The following FAM171A1 variants were observed in gnomAD, a reference collection of about 807,000 sequenced individuals.
FAM171A1 encodes the protein protein FAM171A1.
A neutral mutation model predicts 74.9 loss-of-function variants in FAM171A1; 23 were observed. That is an observed-to-expected ratio of 0.31 (90% CI 0.22 to 0.44). The LOEUF (loss-of-function observed/expected upper bound fraction) is 0.44, where lower values mean the gene tolerates loss of function less well. Among genes scored for constraint, FAM171A1 ranks in the 20% least tolerant of loss-of-function variants. The pLI is 1.00. For missense variants in FAM171A1, 1,162 were observed against 1,159.2 expected (o/e 1.00, Z -0.03); for synonymous variants, 527 against 505.7 (o/e 1.04, Z -0.57).
chr10:15,349,795 T>C (rs1267719876), intron 1 of FAM171A1, among the ~76,000 whole-genome samples: 1 of 152,114 alleles, frequency 6.6e-6, no homozygotes, highest in Non-Finnish European at 1.5e-5. Flanking sequence ...GTTGCTGTGA[T>C]GTGGACACTC....
intron 1 of FAM171A1, among the ~76,000 whole-genome samples, chr10:15,369,131 T>C (rs747222362): frequency 1.3e-4 from 19 of 151,966 alleles, no homozygotes; most frequent in South Asian, 6.2e-4. Flanking sequence ...TCGCATAATA[T>C]TCCATTCCTG....
At chr10:15,318,649 G>C (rs1253958243) in intron 1 of FAM171A1, among the ~76,000 whole-genome samples, 4 of 152,134 alleles carry the variant, frequency 2.6e-5, no homozygotes, top group Admixed American at 2.6e-4. Flanking sequence ...TGCTTTCTCT[G>C]TTAGAGTGTG....
At chr10:15,215,567 C>G (rs550261221) in intron 7 of FAM171A1, among the ~76,000 whole-genome samples, 30 of 152,200 alleles carry the variant, frequency 2.0e-4, no homozygotes, top group African/African-American at 7.0e-4. Flanking sequence ...AGTTTCACCA[C>G]GTTGGCTAGG....
rs71390031 is a variant in FAM171A1 at position 15,331,880 on chromosome 10, CATAT to C, written c.97+39072_97+39075del. Among the ~76,000 whole-genome samples the C allele has an allele frequency of 2.9e-3, 172 of 59,674 alleles. 17 individuals carry two copies. The highest frequency in any genetic ancestry group is 5.5e-3 in the East Asian group (13 of 2,366). 39.1% of individuals were successfully genotyped at this position (59,674 alleles called of 152,430 possible). Reference sequence around the variant, plus strand: ...GTGTGTATATATATGTGTGTGTATACATATATATATATATATGAAACAATTAAGA... The same window carrying C: ...GTGTGTATATATATGTGTGTGTATACATATATATATATGAAACAATTAAGA... On this transcript the variant is annotated intron_variant, in intron 1 of 7. Coordinates refer to ENST00000378116, the MANE Select transcript of FAM171A1 (RefSeq NM_001010924.2).
At chr10:15,337,381 A>G (rs1442125770) in intron 1 of FAM171A1, among the ~76,000 whole-genome samples, 2 of 152,256 alleles carry the variant, frequency 1.3e-5, no homozygotes, top group Non-Finnish European at 2.9e-5. Context: ...AAAGATAGAA[A>G]GAGTATCTTT....
chr10:15,319,970 C>T (rs1044867127), intron 1 of FAM171A1, among the ~76,000 whole-genome samples: 4 of 151,934 alleles, frequency 2.6e-5, no homozygotes, highest in Non-Finnish European at 5.9e-5. Context: ...TATTTCTTTC[C>T]AATTGTTATT....
Position 15,221,037 on chromosome 10 carries a change from C to T in FAM171A1, c.778G>A (p.Gly260Ser). ...TGGCTGCCTTCCTGGTGCACAAGAC[C>T]CAGACCGCTCTTCAGCCACGTTCCT... is the stretch of plus-strand genomic sequence containing the variant. ...KLGTWLKSGL[G>S]LVHQEGSQLT... Residue 260 changes from glycine (G) to serine (S), a missense_variant, in exon 6 of 8, where the codon GGT (glycine) becomes AGT (serine). Physicochemically the swap from Gly to Ser is moderately conservative, Grantham distance 56 (BLOSUM62 0). Coordinates refer to ENST00000378116, the MANE Select transcript of FAM171A1 (RefSeq NM_001010924.2). 1.2e-6 allele frequency: 2 copies of T among 1,614,040 alleles called. No homozygotes were observed. The highest frequency in any genetic ancestry group is 2.7e-5 in the African/African-American group (2 of 75,032).
chr10:15,373,890 A>G (rs1296353561), upstream of FAM171A1, among the ~76,000 whole-genome samples: 2 of 152,198 alleles, frequency 1.3e-5, no homozygotes, highest in African/African-American at 2.4e-5. Context: ...TCTTAACTGT[A>G]TCAAGCTTGT....
intron 5 of FAM171A1, among the ~76,000 whole-genome samples, chr10:15,227,953 T>C (rs1434111858): frequency 2.0e-5 from 3 of 152,182 alleles, no homozygotes; most frequent in Non-Finnish European, 4.4e-5. Context: ...GTGTGCTGCT[T>C]TCCTGCTTGG....
intron 1 of FAM171A1, among the ~76,000 whole-genome samples, chr10:15,365,322 C>G (rs1299126815): frequency 6.6e-6 from 1 of 152,118 alleles, no homozygotes; most frequent in Non-Finnish European, 1.5e-5. Flanking sequence ...TGAGGTAAAC[C>G]TGGAGTGCTG....
At chr10:15,346,829 T>C (rs1835821652) in intron 1 of FAM171A1, among the ~76,000 whole-genome samples, 1 of 152,202 alleles carries the variant, frequency 6.6e-6, no homozygotes, top group Non-Finnish European at 1.5e-5. Flanking sequence ...CTTCTGAGAT[T>C]CTGCAAGCAG....
At position 15,308,642 on chromosome 10, in the gene FAM171A1, T is replaced by C. The variant is rs1173640571; in HGVS notation, c.98-24537A>G. Among the ~76,000 whole-genome samples, 3 of 151,712 alleles carry C rather than the reference T, an allele frequency of 2.0e-5. 1 individual carries two copies. In the East Asian group the frequency reaches 5.8e-4, roughly 29 times the overall value. On this transcript the variant is annotated intron_variant, in intron 1 of 7. Transcript: ENST00000378116. ...CCTGGGCAACAAGGGCAAAACTCTG[T>C]CTCAAAAAACAAACAAACAAACAAA... is the stretch of plus-strand genomic sequence containing the variant.
At chr10:15,300,679 A>G (rs2131827022) in intron 1 of FAM171A1, among the ~76,000 whole-genome samples, 1 of 149,582 alleles carries the variant, frequency 6.7e-6, no homozygotes, top group East Asian at 2.0e-4. Flanking sequence ...TGGACTGACA[A>G]CCTAGAGTTG....
intron 1 of FAM171A1, among the ~76,000 whole-genome samples, chr10:15,328,986 A>G (rs7095145): frequency 2.8e-4 from 42 of 152,314 alleles, no homozygotes; most frequent in African/African-American, 8.9e-4. Flanking sequence ...CTCAGCGGTT[A>G]AGTAATCCAC....
intron 3 of FAM171A1, among the ~76,000 whole-genome samples, chr10:15,275,134 G>T (rs1834877041): frequency 6.6e-6 from 1 of 152,094 alleles, no homozygotes; most frequent in African/African-American, 2.4e-5. Flanking sequence ...GATAGCATTA[G>T]GAGATATACC....
Position 15,234,754 on chromosome 10 carries a change from G to C in FAM171A1, c.755-13694C>G, listed in dbSNP as rs1490470926. Among the ~76,000 whole-genome samples, 3 of 151,744 alleles carry C rather than the reference G, an allele frequency of 2.0e-5. No individual in the cohort carries two copies. In the East Asian group the frequency reaches 5.8e-4, roughly 29 times the overall value. ...TGCAAGCTCTGCCTCTGGGGTTCAC[G>C]CCATTCTCTTGCCTCTGCCTCCCGA... is the stretch of plus-strand genomic sequence containing the variant. On this transcript the variant is annotated intron_variant, in intron 5 of 7. Transcript: ENST00000378116.
At chr10:15,318,939 G>A (rs182539040) in intron 1 of FAM171A1, among the ~76,000 whole-genome samples, 35 of 152,304 alleles carry the variant, frequency 2.3e-4, no homozygotes, top group African/African-American at 7.9e-4. Flanking sequence ...AGTTCCAAGA[G>A]GGTTTATAAA....
rs1833942318 is a variant in FAM171A1 at position 15,214,492 on chromosome 10, A to C, written c.1096T>G (p.Phe366Val). 1 of 1,614,014 alleles carries C rather than the reference A, an allele frequency of 6.2e-7. No individual in the cohort carries two copies. The highest frequency in any genetic ancestry group is 8.5e-7 in the Non-Finnish European group (1 of 1,180,040). ...GGGAATTCTGACGCTCGGCGTGAAA[A>C]CAGCAAGTTAATGTGTGACATGGAC... ...STSMSHINLL[F>V]SRRASEFPGP... is the part of the protein sequence containing the mutation. Residue 366 changes from phenylalanine to valine, a missense_variant, in exon 8 of 8, where the codon TTT becomes GTT. By Grantham distance (50) the Phe-to-Val change is conservative. Transcript: ENST00000378116.
chr10:15,323,431 C>T (rs574805583), intron 1 of FAM171A1, among the ~76,000 whole-genome samples: 24 of 152,050 alleles, frequency 1.6e-4, no homozygotes, highest in South Asian at 2.1e-4. Context: ...CCAGCCTGGG[C>T]GACAAGAGCA....
Sources: allele counts gnomAD v4.1 joint callset (sites outside exome capture counted in the v4.1 genomes callset), GRCh38; gene constraint gnomAD v4.1.1; transcripts MANE v1.5; gene names NCBI Gene and HGNC (gene_info 2026-07-23, HGNC 2026-07-21).